The following ANXA8 variants were observed in gnomAD, a reference collection of about 807,000 sequenced individuals.
The protein encoded by ANXA8 is VAC-beta.
ANXA8 carries 9 observed loss-of-function variants against 26.8 expected under a neutral mutation model. The observed-to-expected ratio is 0.34, with a 90% CI of 0.20 to 0.59. The LOEUF is 0.59. Among genes scored for constraint, ANXA8 ranks in the 20% least tolerant of loss-of-function variants. The pLI is 0.84. For synonymous variants in ANXA8, 39 were observed against 94.8 expected, an observed-to-expected ratio of 0.41 and a Z score of 3.42; for missense variants, 83 against 238.5, an observed-to-expected ratio of 0.35 and a Z score of 4.29.
chr10:47,947,985 C>A, the ANXA8 span, among the ~76,000 whole-genome samples: 33 of 150,894 alleles, frequency 2.2e-4, no homozygotes, highest in Non-Finnish European at 4.7e-4. Context: ...CAGAGTGGAG[C>A]GTCCTTGTAG....
At chr10:47,743,319 T>TATATATAC in the ANXA8 span, among the ~76,000 whole-genome samples, 1,722 of 45,202 alleles carry the variant, frequency 0.038, 202 homozygotes, top group African/African-American at 0.11. Context: ...TATACACATA[T>TATATATAC]ATATATATAC....
chr10:47,973,175 T>C, the ANXA8 span: 2 of 150,604 alleles, frequency 1.3e-5, no homozygotes, highest in African/African-American at 4.8e-5. Context: ...AGGCCTAAGA[T>C]AATAATTGCT....
chr10:47,744,408 T>TGG, the ANXA8 span, among the ~76,000 whole-genome samples: 15 of 4,314 alleles, frequency 3.5e-3, no homozygotes, highest in African/African-American at 0.011. Flanking sequence ...GGAAGGCTCC[T>TGG]GGTGGGGGGG....
chr10:47,714,104 G>A, the ANXA8 span, among the ~76,000 whole-genome samples: 1 of 72,668 alleles, frequency 1.4e-5, no homozygotes, highest in African/African-American at 5.7e-5. Flanking sequence ...CCAAACAACT[G>A]GTTGTCCGCT....
At chr10:47,679,979 G>T in the ANXA8 span, among the ~76,000 whole-genome samples, 12 of 148,202 alleles carry the variant, frequency 8.1e-5, no homozygotes, top group Admixed American at 2.0e-4. Context: ...TCGGTTTTTT[G>T]TTTTTTTTTT....
At chr10:47,940,108 C>T in the ANXA8 span, among the ~76,000 whole-genome samples, 1 of 151,374 alleles carries the variant, frequency 6.6e-6, no homozygotes, top group African/African-American at 2.4e-5. Context: ...TTCCTGGCTC[C>T]CTTGTTTCGT....
the ANXA8 span, among the ~76,000 whole-genome samples, chr10:47,722,797 A>C: frequency 7.0e-6 from 1 of 142,528 alleles, no homozygotes; most frequent in South Asian, 2.2e-4. Flanking sequence ...AGTGGATTAG[A>C]ATGAAGCTAG....
the ANXA8 span, among the ~76,000 whole-genome samples, chr10:47,658,041 A>G: frequency 6.6e-6 from 1 of 151,804 alleles, no homozygotes; most frequent in African/African-American, 2.4e-5. Context: ...TATCTTTTCC[A>G]AAGTGGTTTT....
the ANXA8 span, among the ~76,000 whole-genome samples, chr10:47,626,573 T>C: frequency 6.7e-6 from 1 of 149,944 alleles, no homozygotes. Flanking sequence ...CAGAACTTCT[T>C]TAACCTTTAA....
the ANXA8 span, among the ~76,000 whole-genome samples, chr10:47,544,185 AT>A: frequency 6.6e-6 from 1 of 151,758 alleles, no homozygotes; most frequent in East Asian, 1.9e-4. Context: ...AAGTCCTCCC[AT>A]TTTCCTAAAC....
the ANXA8 span, among the ~76,000 whole-genome samples, chr10:47,702,351 T>TC: frequency 6.6e-6 from 1 of 150,842 alleles, no homozygotes; most frequent in African/African-American, 2.4e-5. Context: ...TTCTTTTTTT[T>TC]TTTTTTTGAG....
At chr10:47,937,118 G>A in the ANXA8 span, among the ~76,000 whole-genome samples, 1 of 149,830 alleles carries the variant, frequency 6.7e-6, no homozygotes, top group Non-Finnish European at 1.5e-5. Flanking sequence ...TCGCCGCCCA[G>A]ATCACCCCCT....
the ANXA8 span, among the ~76,000 whole-genome samples, chr10:47,901,747 T>C: frequency 7.2e-6 from 1 of 139,610 alleles, no homozygotes. Flanking sequence ...CATAAGAGTC[T>C]TTCTCAAATA....
the ANXA8 span, among the ~76,000 whole-genome samples, chr10:47,552,715 C>T: frequency 6.6e-6 from 1 of 151,838 alleles, no homozygotes; most frequent in South Asian, 2.1e-4. Context: ...GAATATCGGG[C>T]TGCATAAAAT....
At chr10:47,743,313 C>CACATATATATAT in the ANXA8 span, among the ~76,000 whole-genome samples, 3 of 27,546 alleles carry the variant, frequency 1.1e-4, no homozygotes, top group Admixed American at 5.4e-4. Flanking sequence ...TATATATATA[C>CACATATATATAT]ACATATATAT....
the ANXA8 span, among the ~76,000 whole-genome samples, chr10:47,895,705 C>CTCTG: frequency 0.24 from 28,821 of 120,034 alleles, 1,329 homozygotes; most frequent in Middle Eastern, 0.29. Context: ...TTTTCTTTGC[C>CTCTG]TCTGATTCCT....
upstream of ANXA8, among the ~76,000 whole-genome samples, chr10:47,488,654 G>GTAC (rs1840087587): frequency 5.8e-5 from 8 of 138,140 alleles, no homozygotes; most frequent in South Asian, 2.0e-3. Context: ...TTTGTACATA[G>GTAC]TACTACTCAT....
chr10:47,499,108 T>C, the ANXA8 span, among the ~76,000 whole-genome samples: 1 of 136,112 alleles, frequency 7.3e-6, no homozygotes, highest in Non-Finnish European at 1.5e-5. Context: ...TCTCAAAAAA[T>C]AAAAAATAAA....
chr10:47,973,091 C>A, the ANXA8 span: 1 of 85,310 alleles, frequency 1.2e-5, no homozygotes, highest in Non-Finnish European at 2.4e-5. Context: ...CGTGCACACA[C>A]ACACAAACAC....
Sources: allele counts gnomAD v4.1 joint callset (sites outside exome capture counted in the v4.1 genomes callset), GRCh38; gene constraint gnomAD v4.1.1; transcripts MANE v1.5; gene names NCBI Gene and HGNC (gene_info 2026-07-23, HGNC 2026-07-21).